The following HTT variants were observed in gnomAD, a reference collection of about 807,000 sequenced individuals.
HTT encodes huntingtin.
A neutral mutation model predicts 362.3 loss-of-function variants in HTT; 104 were observed. The ratio of observed to expected loss-of-function variants is 0.29; its 90% confidence interval spans 0.24 to 0.34. The LOEUF (loss-of-function observed/expected upper bound fraction) is 0.34, where lower values mean the gene tolerates loss of function less well. Ranked by LOEUF, HTT falls within the 10% of genes least tolerant of loss-of-function variation. The pLI, the probability that HTT is intolerant of heterozygous loss-of-function variation, is 1.00. For synonymous variants in HTT, 1,577 were observed against 1,548.7 expected (o/e 1.02, Z -0.43); for missense variants, 3,301 against 3,928.6 (o/e 0.84, Z 4.27).
Position 3,157,165 on chromosome 4 carries a change from A to G in HTT, c.3719A>G (p.His1240Arg). Residue 1240 changes from histidine (H) to arginine (R), a missense_variant, in exon 28 of 67, where the codon CAT becomes CGT. His to Arg is a conservative substitution (Grantham distance 29). Coordinates refer to ENST00000355072, the MANE Select transcript of HTT (RefSeq NM_001388492.1). ...CATCTTCCTTCATACCTCAAACTGC[A>G]TGATGTCCTGAAAGCTACACACGCT... is the stretch of plus-strand genomic sequence containing the variant. ...FYHLPSYLKL[H>R]DVLKATHANY... is the part of the protein sequence containing the mutation. 2 of 1,613,920 alleles carry G rather than the reference A, an allele frequency of 1.2e-6. No homozygotes were observed. Among genetic ancestry groups the G allele is most frequent in the Non-Finnish European group, 1.7e-6 (2 of 1,179,874 alleles).
At chr4:3,203,936 A>G in intron 41 of HTT, 71 bp from the exon 42 acceptor site, 3 of 1,436,034 alleles carry the variant, frequency 2.1e-6, no homozygotes, top group Non-Finnish European at 2.9e-6. Context: ...AAACATAATC[A>G]TCTTCAGTAT....
chr4:3,134,572 A>T, intron 19 of HTT, 32 bp downstream of exon 19: 1 of 1,592,766 alleles, frequency 6.3e-7, no homozygotes, highest in Non-Finnish European at 8.6e-7. Context: ...GATTTCATGA[A>T]CTAAGCTCAA....
At chr4:3,124,408 T>TACA (rs1311528017) in intron 10 of HTT, among the ~76,000 whole-genome samples, 1 of 152,210 alleles carries the variant, frequency 6.6e-6, no homozygotes, top group African/African-American at 2.4e-5. Context: ...TCTTCTGTTA[T>TACA]AGCTGGAAAA....
chr4:3,102,575 G>A (rs1057263630), intron 3 of HTT, among the ~76,000 whole-genome samples: 1 of 152,200 alleles, frequency 6.6e-6, no homozygotes, highest in Non-Finnish European at 1.5e-5. Context: ...ATGTGATCTG[G>A]TTTTGATTTT....
At chr4:3,148,671 G>A (rs1578538431) in intron 26 of HTT, among the ~76,000 whole-genome samples, 2 of 152,208 alleles carry the variant, frequency 1.3e-5, no homozygotes, top group South Asian at 4.1e-4. Context: ...GGTGGCGGGC[G>A]CCTGTAGTCC....
At chr4:3,136,090 A>G in intron 20 of HTT, 123 bp downstream of exon 20, 2 of 908,336 alleles carry the variant, frequency 2.2e-6, no homozygotes, top group Non-Finnish European at 3.4e-6. Flanking sequence ...AGTTTATATC[A>G]TGAAAGTTAT....
At chr4:3,160,861 A>G (rs996680549) in intron 29 of HTT, among the ~76,000 whole-genome samples, 2 of 152,148 alleles carry the variant, frequency 1.3e-5, no homozygotes, top group Non-Finnish European at 2.9e-5. Flanking sequence ...AGCCTGAGTT[A>G]AAAGTCTCGT....
chr4:3,135,446 GT>G (rs5855769), intron 19 of HTT, among the ~76,000 whole-genome samples: 21,796 of 141,828 alleles, frequency 0.15, 2,493 homozygotes, highest in African/African-American at 0.34. Context: ...TTTAGGGTTT[GT>G]TTTTTTTTTT....
Position 3,240,568 on chromosome 4 carries a change from G to A in HTT, c.*509G>A, listed in dbSNP as rs542298546. 550 of 161,042 alleles carry A rather than the reference G, an allele frequency of 3.4e-3. 3 individuals carry two copies. Among genetic ancestry groups the A allele is most frequent in the Non-Finnish European group, 3.7e-3 (269 of 73,184 alleles). The allele number at this position is 161,042 out of a possible 1,614,324, so 10.0% of individuals were successfully genotyped here. The stretch of plus-strand genomic sequence containing the variant: ...GCCTGTGCTGGGCCAGTGGCTGGGG[G>A]TGCTAGACACCCGGCACCATTCTCC... On this transcript the variant is annotated 3_prime_UTR_variant, in exon 67 of 67. Transcript: ENST00000355072.
intron 48 of HTT, 82 bp from the exon 49 acceptor site, chr4:3,212,482 T>G: frequency 6.6e-7 from 1 of 1,505,148 alleles, no homozygotes; most frequent in Admixed American, 1.8e-5. Flanking sequence ...CATCAGATTC[T>G]CAGAGAATTG....
At chr4:3,095,081 G>C (rs953875339) in intron 2 of HTT, among the ~76,000 whole-genome samples, 4 of 152,030 alleles carry the variant, frequency 2.6e-5, no homozygotes, top group Non-Finnish European at 5.9e-5. Flanking sequence ...CATCCCAGAC[G>C]ATGGGCGGCC....
intron 29 of HTT, among the ~76,000 whole-genome samples, chr4:3,164,348 A>G (rs946005933): frequency 3.3e-5 from 5 of 152,278 alleles, no homozygotes; most frequent in South Asian, 2.1e-4. Flanking sequence ...ACTTCCAACT[A>G]TGTGGTCAGT....
At chr4:3,085,276 T>G (rs1354216356) in intron 1 of HTT, among the ~76,000 whole-genome samples, 2 of 152,034 alleles carry the variant, frequency 1.3e-5, no homozygotes, top group African/African-American at 2.4e-5. Flanking sequence ...TAGCTGGGAT[T>G]ATAGGCGCCC....
intron 8 of HTT, among the ~76,000 whole-genome samples, chr4:3,118,300 C>G (rs926979643): frequency 6.6e-6 from 1 of 152,054 alleles, no homozygotes; most frequent in African/African-American, 2.4e-5. Context: ...TTAACTGATG[C>G]TTTTAAGAAG....
At chr4:3,161,753 A>G (rs1349051245) in intron 29 of HTT, among the ~76,000 whole-genome samples, 1 of 151,840 alleles carries the variant, frequency 6.6e-6, no homozygotes, top group Non-Finnish European at 1.5e-5. Context: ...TCCTTTGTCC[A>G]TTTTTTGATG....
intron 65 of HTT, 51 bp from the exon 66 acceptor site, chr4:3,238,767 G>T (rs1480572039): frequency 1.5e-5 from 20 of 1,350,794 alleles, no homozygotes; most frequent in Non-Finnish European, 1.6e-5. Flanking sequence ...CGCAGCAGGT[G>T]CTTCCCGTCC....
At chr4:3,099,457 C>T (rs1578497087) in intron 3 of HTT, 63 bp downstream of exon 3, 23 of 1,598,202 alleles carry the variant, frequency 1.4e-5, no homozygotes, top group Middle Eastern at 1.7e-4. Context: ...AGAGAAGAAG[C>T]GATCATTGAG....
At chr4:3,202,423 C>T (rs1719625981) in intron 41 of HTT, among the ~76,000 whole-genome samples, 1 of 152,142 alleles carries the variant, frequency 6.6e-6, no homozygotes, top group Non-Finnish European at 1.5e-5. Flanking sequence ...TTGCAAAGTG[C>T]ACAATTACAG....
intron 2 of HTT, among the ~76,000 whole-genome samples, chr4:3,091,610 C>G (rs1475558791): frequency 6.6e-6 from 1 of 152,166 alleles, no homozygotes; most frequent in African/African-American, 2.4e-5. Context: ...GTCGACCTGT[C>G]GGCACCTTGT....
Sources: gnomAD v4.1 joint callset for allele counts (sites outside exome capture counted in the v4.1 genomes callset) on GRCh38, gnomAD v4.1.1 for gene constraint, MANE v1.5 for transcripts, NCBI Gene and HGNC (gene_info 2026-07-23, HGNC 2026-07-21) for gene names.